The following SLC25A21 variants were observed in gnomAD, a reference collection of about 807,000 sequenced individuals.
SLC25A21 encodes mitochondrial 2-oxodicarboxylate carrier.
Under a neutral mutation model 43.8 loss-of-function variants are expected in SLC25A21, and 47 were observed. That is an observed-to-expected ratio of 1.07 (90% CI 0.85 to 1.37). The LOEUF is 1.37. Among genes scored for constraint, SLC25A21 ranks in the 40% most tolerant of loss-of-function variants. SLC25A21 has a pLI of 0.00. For missense variants in SLC25A21, 352 were observed against 350.2 expected, an observed-to-expected ratio of 1.00 and a Z score of -0.04; for synonymous variants, 131 against 121.3, an observed-to-expected ratio of 1.08 and a Z score of -0.52.
intron 3 of SLC25A21, among the ~76,000 whole-genome samples, chr14:36,798,771 AG>A (rs1887761949): frequency 6.6e-6 from 1 of 152,148 alleles, no homozygotes; most frequent in South Asian, 2.1e-4. Flanking sequence ...TGTACACTTC[AG>A]GGAACTATGT....
chr14:36,718,717 G>A (rs1385143708), intron 6 of SLC25A21, among the ~76,000 whole-genome samples: 1 of 151,890 alleles, frequency 6.6e-6, no homozygotes, highest in Non-Finnish European at 1.5e-5. Context: ...TATATTTATT[G>A]GTGTTATCCC....
intron 1 of SLC25A21, among the ~76,000 whole-genome samples, chr14:36,893,337 T>G (rs1029490861): frequency 3.9e-4 from 59 of 152,382 alleles, no homozygotes; most frequent in Admixed American, 7.2e-4. Flanking sequence ...GTTGGCTGCA[T>G]AAAAGTCTTC....
At chr14:36,853,875 G>A (rs1328180675) in intron 2 of SLC25A21, among the ~76,000 whole-genome samples, 1 of 152,210 alleles carries the variant, frequency 6.6e-6, no homozygotes, top group African/African-American at 2.4e-5. Flanking sequence ...GGATTAGAGA[G>A]CACAGTCCAT....
At chr14:36,959,118 C>T (rs566686984) in intron 1 of SLC25A21, among the ~76,000 whole-genome samples, 3 of 152,138 alleles carry the variant, frequency 2.0e-5, no homozygotes, top group Non-Finnish European at 4.4e-5. Flanking sequence ...GAATTCAAGG[C>T]TCATTTTGCT....
At chr14:37,146,705 A>G (rs905566853) in intron 1 of SLC25A21, among the ~76,000 whole-genome samples, 13 of 152,258 alleles carry the variant, frequency 8.5e-5, no homozygotes, top group African/African-American at 3.1e-4. Flanking sequence ...TGTCAATGTT[A>G]CTTACAGATC....
At chr14:37,070,028 A>C (rs971485326) in intron 1 of SLC25A21, among the ~76,000 whole-genome samples, 2 of 152,144 alleles carry the variant, frequency 1.3e-5, no homozygotes, top group Non-Finnish European at 2.9e-5. Context: ...AGCTCTCCAT[A>C]CCTGTGCCCT....
rs1167995940 is a variant in SLC25A21 at position 36,684,881 on chromosome 14, G to A, written c.648C>T (p.Leu216=). 2 of 1,611,820 alleles carry A rather than the reference G, an allele frequency of 1.2e-6. No homozygotes were observed. Among genetic ancestry groups the A allele is most frequent in the South Asian group, 2.2e-5 (2 of 90,746 alleles). ...EFWRKFGIGL[L]SGTIASVINI... ...TAATGACTGAGGCTATTGTCCCCGA[G>A]AGAAGACCAATCCCAAATTTTCTCC... is the stretch of plus-strand genomic sequence containing the variant. Residue 216 remains leucine (L), a synonymous_variant, in exon 8 of 10, where the codon CTC becomes CTT. Transcript: ENST00000331299.
intron 1 of SLC25A21, among the ~76,000 whole-genome samples, chr14:36,876,197 A>G (rs533661126): frequency 2.0e-5 from 3 of 152,260 alleles, no homozygotes; most frequent in Non-Finnish European, 2.9e-5. Flanking sequence ...TCCCCATCCC[A>G]TATTTATCCA....
intron 3 of SLC25A21, among the ~76,000 whole-genome samples, chr14:36,743,851 C>T (rs758315089): frequency 2.0e-5 from 3 of 152,014 alleles, no homozygotes; most frequent in Non-Finnish European, 2.9e-5. Flanking sequence ...AATCAACATA[C>T]CAAAATCAGT....
chr14:36,855,305 A>G (rs1432132551), intron 2 of SLC25A21, among the ~76,000 whole-genome samples: 4 of 152,064 alleles, frequency 2.6e-5, no homozygotes, highest in Non-Finnish European at 5.9e-5. Context: ...AGAGGGGCCA[A>G]GTAGTAGGAA....
At chr14:36,766,775 G>C (rs1221721019) in intron 3 of SLC25A21, among the ~76,000 whole-genome samples, 1 of 152,130 alleles carries the variant, frequency 6.6e-6, no homozygotes, top group Non-Finnish European at 1.5e-5. Flanking sequence ...ACTGACTCCA[G>C]GGTCTGTCAC....
At chr14:36,822,084 G>A (rs555728958) in intron 2 of SLC25A21, among the ~76,000 whole-genome samples, 1 of 152,240 alleles carries the variant, frequency 6.6e-6, no homozygotes, top group African/African-American at 2.4e-5. Context: ...ACCAAGGTAG[G>A]GGACAGGAGA....
rs367566291 is a variant in SLC25A21, at chr14:36,829,223, C to G, written c.120-15222G>C. Reference sequence around the variant, plus strand: ...ACTCTCTACCCATTTCTACTCTGTTCCTTCCCCTGAGAGGTGATTTGAATT... The same window carrying G: ...ACTCTCTACCCATTTCTACTCTGTTGCTTCCCCTGAGAGGTGATTTGAATT... On this transcript the variant is annotated intron_variant, in intron 2 of 9. Coordinates refer to ENST00000331299, the MANE Select transcript of SLC25A21 (RefSeq NM_030631.4). 5.3e-5 allele frequency among the ~76,000 whole-genome samples: 8 copies of G among 152,206 alleles called. No homozygotes were observed. In the East Asian group the frequency reaches 5.8e-4, roughly 11 times the overall value.
At chr14:36,872,044 G>A (rs1056266720) in intron 2 of SLC25A21, among the ~76,000 whole-genome samples, 32 of 152,242 alleles carry the variant, frequency 2.1e-4, no homozygotes, top group African/African-American at 5.3e-4. Flanking sequence ...TTGTATTCAC[G>A]TAAGCTATTT....
chr14:36,958,679 G>GCACGCACA (rs1959406692), intron 1 of SLC25A21, among the ~76,000 whole-genome samples: 1 of 136,844 alleles, frequency 7.3e-6, no homozygotes, highest in Non-Finnish European at 1.6e-5. Context: ...AAGCACACGT[G>GCACGCACA]CACACACACA....
intron 1 of SLC25A21, among the ~76,000 whole-genome samples, chr14:36,916,905 G>T (rs1289614024): frequency 6.6e-6 from 1 of 151,870 alleles, no homozygotes; most frequent in Non-Finnish European, 1.5e-5. Flanking sequence ...TGCTCAGCCT[G>T]TACATTCCAT....
chr14:36,995,824 C>T (rs1420189912), intron 1 of SLC25A21, among the ~76,000 whole-genome samples: 2 of 152,088 alleles, frequency 1.3e-5, no homozygotes, highest in Non-Finnish European at 2.9e-5. Flanking sequence ...TTTTGACACC[C>T]GGGCAATCCA....
chr14:37,163,851 C>T lies in SLC25A21; in HGVS notation c.70+8430G>A, dbSNP rs183698530. Among the ~76,000 whole-genome samples, 9 of 152,166 alleles carry T rather than the reference C, an allele frequency of 5.9e-5. No individual in the cohort carries two copies. In the East Asian group the frequency reaches 1.7e-3, roughly 29 times the overall value. ...GTAAGTATTATCTAATGACTAGAAT[C>T]CCTGAATATTTTTCTGTCTTCAGAG... On this transcript the variant is annotated intron_variant, in intron 1 of 9. Transcript: ENST00000331299.
chr14:36,987,564 CATAAT>C (rs753766278), intron 1 of SLC25A21, among the ~76,000 whole-genome samples: 173 of 152,258 alleles, frequency 1.1e-3, no homozygotes, highest in Non-Finnish European at 2.0e-3. Flanking sequence ...CATTTTTTCA[CATAAT>C]ATATCGTTAA....
Sources: gnomAD v4.1 joint callset for allele counts (sites outside exome capture counted in the v4.1 genomes callset) on GRCh38, gnomAD v4.1.1 for gene constraint, MANE v1.5 for transcripts, NCBI Gene and HGNC (gene_info 2026-07-23, HGNC 2026-07-21) for gene names.